The following SRGAP3 variants were observed in gnomAD, a reference collection of about 807,000 sequenced individuals.
SRGAP3 encodes SLIT-ROBO Rho GTPase-activating protein 3.
SRGAP3 carries 39 observed loss-of-function variants against 121.1 expected under a neutral mutation model. The ratio of observed to expected loss-of-function variants is 0.32; its 90% CI spans 0.25 to 0.42. SRGAP3 has a LOEUF of 0.42. Ranked by LOEUF, SRGAP3 falls within the 10% of genes least tolerant of loss-of-function variation. The pLI is 1.00. For synonymous variants in SRGAP3, 601 were observed against 570.0 expected, an observed-to-expected ratio of 1.05 and a Z score of -0.77; for missense variants, 1,213 against 1,470.6, an observed-to-expected ratio of 0.82 and a Z score of 2.86.
intron 1 of SRGAP3, among the ~76,000 whole-genome samples, chr3:9,149,049 A>T (rs1341206244): frequency 6.6e-6 from 1 of 151,976 alleles, no homozygotes; most frequent in Non-Finnish European, 1.5e-5. Context: ...CCCCATCTCT[A>T]CTAAAATACA....
chr3:9,349,087 CT>C (rs1420904373), intron 1 of SRGAP3: 1 of 922,912 alleles, frequency 1.1e-6, no homozygotes, highest in Admixed American at 1.7e-5. Flanking sequence ...TTCCCGTTGT[CT>C]ATGAATTGGA....
chr3:9,204,080 G>T (rs918921554), intron 1 of SRGAP3, among the ~76,000 whole-genome samples: 6 of 152,314 alleles, frequency 3.9e-5, no homozygotes, highest in East Asian at 1.9e-4. Context: ...TAGCCCTGTG[G>T]CTTCCATTAT....
rs1574951182 is a variant in SRGAP3 at position 9,035,480 on chromosome 3, A to G, written c.1436+2583T>C. ...AACGTAGCTATCCCAACTTTGCACA[A>G]TATCAAATCTATATCGACTTACTGA... is the stretch of plus-strand genomic sequence containing the variant. On this transcript the variant is annotated intron_variant, in intron 11 of 21. Transcript: ENST00000383836. 3 of 179,708 alleles carry G rather than the reference A, an allele frequency of 1.7e-5. No individual in the cohort carries two copies. In the East Asian group the frequency reaches 2.7e-4, roughly 16 times the overall value. The allele number at this position is 179,708 out of a possible 1,614,324, so 11.1% of individuals were successfully genotyped here. A position where few individuals can be genotyped will look rare whatever the true frequency, so the allele number is the denominator to read the frequency against.
At chr3:9,114,153 C>A (rs1575093907) in intron 2 of SRGAP3, among the ~76,000 whole-genome samples, 1 of 152,114 alleles carries the variant, frequency 6.6e-6, no homozygotes, top group East Asian at 1.9e-4. Context: ...CCAATTCTGT[C>A]CCTCACCAAC....
chr3:9,072,656 A>C (rs1946775157), intron 4 of SRGAP3, among the ~76,000 whole-genome samples: 1 of 152,236 alleles, frequency 6.6e-6, no homozygotes, highest in Non-Finnish European at 1.5e-5. Flanking sequence ...CAGGAGCCTC[A>C]GTATTCCTCA....
chr3:9,199,065 C>A (rs533151835), intron 1 of SRGAP3, among the ~76,000 whole-genome samples: 2 of 152,146 alleles, frequency 1.3e-5, no homozygotes, highest in African/African-American at 2.4e-5. Flanking sequence ...TATCTGCCCC[C>A]CCTTCCCATC....
intron 3 of SRGAP3, among the ~76,000 whole-genome samples, chr3:9,261,746 G>A (rs888323270): frequency 6.6e-6 from 1 of 151,832 alleles, no homozygotes. Flanking sequence ...AAAGTGACAG[G>A]GAGAATGGAA....
chr3:9,174,317 G>A (rs1951095586), intron 1 of SRGAP3, among the ~76,000 whole-genome samples: 1 of 152,226 alleles, frequency 6.6e-6, no homozygotes, highest in South Asian at 2.1e-4. Flanking sequence ...ACTGTACGTT[G>A]TAAAATGGTT....
chr3:9,115,445 T>C (rs2543490), intron 2 of SRGAP3, among the ~76,000 whole-genome samples: 105,257 of 152,080 alleles, frequency 0.69, 36,601 homozygotes, highest in African/African-American at 0.76. Context: ...TCAAAGTATA[T>C]GCATGCATAA....
intron 1 of SRGAP3, among the ~76,000 whole-genome samples, chr3:9,173,380 T>C (rs994721612): frequency 1.3e-5 from 2 of 152,104 alleles, no homozygotes; most frequent in Non-Finnish European, 2.9e-5. Context: ...TTCAGGAGAG[T>C]ATCTGTTTGA....
rs577825625 is a variant in SRGAP3 at position 9,244,138 on chromosome 3, C to T, written c.67+4747G>A. Among the ~76,000 whole-genome samples the T allele has an allele frequency of 5.9e-5, 9 of 152,272 alleles. No homozygotes were observed. In the South Asian group the frequency reaches 1.0e-3, roughly 18 times the overall value. On this transcript the variant is annotated intron_variant, in intron 1 of 21. Coordinates refer to ENST00000383836, the MANE Select transcript of SRGAP3 (RefSeq NM_014850.4). ...GATCTTCTAATCACTGCATGATATA[C>T]GCTCTAAGATTCAGTTCGTTCTGGC...
chr3:9,280,976 T>A (rs2600191), intron 3 of SRGAP3, among the ~76,000 whole-genome samples: 3 of 151,378 alleles, frequency 2.0e-5, no homozygotes, highest in Admixed American at 6.6e-5. Context: ...TTGTTGGGGG[T>A]GGTGGGAGTC....
chr3:9,166,650 C>T (rs1487953215), intron 1 of SRGAP3, among the ~76,000 whole-genome samples: 1 of 152,158 alleles, frequency 6.6e-6, no homozygotes, highest in Admixed American at 6.5e-5. Flanking sequence ...GAGAAATTGA[C>T]TTCTATCTTA....
At chr3:9,339,297 T>C (rs867633712) in intron 1 of SRGAP3, among the ~76,000 whole-genome samples, 56 of 152,200 alleles carry the variant, frequency 3.7e-4, no homozygotes, top group African/African-American at 1.4e-3. Context: ...CTATACCAAG[T>C]CTTGAGCACT....
At chr3:8,999,924 G>A (rs1942650722) in intron 18 of SRGAP3, among the ~76,000 whole-genome samples, 1 of 152,118 alleles carries the variant, frequency 6.6e-6, no homozygotes, top group Admixed American at 6.5e-5. Flanking sequence ...ATGGTCCTAA[G>A]GGCAAAAAGC....
chr3:9,088,836 G>A (rs914094994), intron 3 of SRGAP3, among the ~76,000 whole-genome samples: 18 of 152,128 alleles, frequency 1.2e-4, no homozygotes, highest in Non-Finnish European at 2.1e-4. Context: ...GCAATGCCGA[G>A]CCCCTGTTTC....
chr3:9,101,101 C>G (rs927172758), intron 3 of SRGAP3, among the ~76,000 whole-genome samples: 1 of 152,162 alleles, frequency 6.6e-6, no homozygotes, highest in Non-Finnish European at 1.5e-5. Flanking sequence ...TTTCGGCATT[C>G]GGGAGAATTT....
chr3:9,285,491 A>C (rs1436984408), intron 3 of SRGAP3, among the ~76,000 whole-genome samples: 2 of 152,204 alleles, frequency 1.3e-5, no homozygotes, highest in East Asian at 3.8e-4. Flanking sequence ...GAGGAAAAAA[A>C]ATGTCCTCAT....
At chr3:9,092,112 C>A (rs1367789950) in intron 3 of SRGAP3, among the ~76,000 whole-genome samples, 1 of 152,058 alleles carries the variant, frequency 6.6e-6, no homozygotes, top group African/African-American at 2.4e-5. Flanking sequence ...AGCACCGTGG[C>A]CAGCATTTCC....
Sources: gnomAD v4.1 joint callset for allele counts (sites outside exome capture counted in the v4.1 genomes callset) on GRCh38, gnomAD v4.1.1 for gene constraint, MANE v1.5 for transcripts, NCBI Gene and HGNC (gene_info 2026-07-23, HGNC 2026-07-21) for gene names.